The following DMD variants were observed in gnomAD, a reference collection of about 807,000 sequenced individuals.
DMD encodes the protein mutant dystrophin.
A neutral mutation model predicts 330.1 loss-of-function variants in DMD; 63 were observed. The ratio of observed to expected loss-of-function variants is 0.19; its 90% CI spans 0.16 to 0.24. DMD has a LOEUF of 0.24. Among genes scored for constraint, DMD ranks in the 10% least tolerant of loss-of-function variants. The pLI, the probability that DMD is intolerant of heterozygous loss-of-function variation, is 1.00. For missense variants in DMD, 3,344 were observed against 2,684.1 expected (o/e 1.25, Z -5.43); for synonymous variants, 1,223 against 959.8 (o/e 1.27, Z -5.07).
chrX:32,436,531 T>A (rs2098262014), intron 29 of DMD, among the ~76,000 whole-genome samples: 1 of 111,960 alleles, frequency 8.9e-6, no homozygotes, highest in South Asian at 3.7e-4. Context: ...CAAAAACCTT[T>A]AAAATAGAAG....
intron 44 of DMD, among the ~76,000 whole-genome samples, chrX:32,007,744 T>C (rs771963791): frequency 9.0e-6 from 1 of 110,959 alleles, no homozygotes; most frequent in Admixed American, 9.6e-5. Context: ...ATTTTCTAGT[T>C]ACTGTCTAGT....
intron 60 of DMD, among the ~76,000 whole-genome samples, chrX:31,413,016 A>C (rs187504898): frequency 8.9e-6 from 1 of 111,847 alleles, no homozygotes; most frequent in East Asian, 2.8e-4. Flanking sequence ...AGATTCTTTC[A>C]AATATTTGTC....
At chrX:31,436,951 T>C (rs1954805286) in intron 60 of DMD, among the ~76,000 whole-genome samples, 1 of 111,852 alleles carries the variant, frequency 8.9e-6, no homozygotes, top group African/African-American at 3.2e-5. Context: ...ACTTTTAGCT[T>C]TTACAAAACT....
intron 1 of DMD, among the ~76,000 whole-genome samples, chrX:33,319,721 G>C (rs2053987299): frequency 8.9e-6 from 1 of 111,951 alleles, no homozygotes; most frequent in Non-Finnish European, 1.9e-5. Context: ...ACTCACGTAA[G>C]AAGACTTTGA....
At chrX:32,296,184 G>A (rs943452625) in intron 42 of DMD, among the ~76,000 whole-genome samples, 17 of 110,932 alleles carry the variant, frequency 1.5e-4, no homozygotes, top group Admixed American at 9.6e-5. Context: ...TTTAGGACAG[G>A]AGTTCGAGAC....
rs760923591 is a variant in DMD, at chrX:32,386,420, C to A, written c.4564G>T (p.Val1522Leu). 1 of 1,208,071 alleles carries A rather than the reference C, an allele frequency of 8.3e-7. No individual in the cohort carries two copies. The highest frequency in any genetic ancestry group is 1.1e-6 in the Non-Finnish European group (1 of 892,795). ...LSEVKSEVEMVIKTGRQIVQK... is the reference protein window; with the variant it reads ...LSEVKSEVEMLIKTGRQIVQK... ...ACAATCTGACGTCCAGTCTTTATCA[C>A]CATTTCCACTTCAGACTTCACTTCA... Residue 1522 changes from valine to leucine, a missense_variant, in exon 33 of 79, where the codon GTG becomes TTG. Coordinates refer to ENST00000357033, the MANE Select transcript of DMD (RefSeq NM_004006.3).
At chrX:31,311,974 T>G (rs2055556823) in intron 62 of DMD, among the ~76,000 whole-genome samples, 1 of 111,741 alleles carries the variant, frequency 8.9e-6, no homozygotes, top group African/African-American at 3.3e-5. Flanking sequence ...ATTAAAGACT[T>G]AAATGTAAAA....
chrX:31,486,560 G>T (rs762249714), intron 57 of DMD, among the ~76,000 whole-genome samples: 1 of 111,744 alleles, frequency 8.9e-6, no homozygotes, highest in Non-Finnish European at 1.9e-5. Context: ...ACACTCAGAA[G>T]TTCCATGGTT....
intron 7 of DMD, among the ~76,000 whole-genome samples, chrX:32,801,862 G>A (rs961814682): frequency 7.2e-5 from 8 of 111,254 alleles, no homozygotes; most frequent in South Asian, 3.8e-4. Flanking sequence ...TGTTCCATTC[G>A]TCTATGTATC....
chrX:31,394,938 T>TGAGAGAGAGAGAGAGAGAGAGA (rs757803694), intron 60 of DMD, among the ~76,000 whole-genome samples: 1,669 of 86,817 alleles, frequency 0.019, 81 homozygotes, highest in African/African-American at 0.036. Flanking sequence ...GAGAGAAGGG[T>TGAGAGAGAGAGAGAGAGAGAGA]GAGAGAGAGA....
At chrX:32,103,438 C>T (rs773727904) in intron 44 of DMD, among the ~76,000 whole-genome samples, 68 of 111,216 alleles carry the variant, frequency 6.1e-4, no homozygotes, top group Non-Finnish European at 7.7e-4. Context: ...AAAACAAAAG[C>T]GCATAAATGG....
intron 7 of DMD, among the ~76,000 whole-genome samples, chrX:32,808,626 C>G (rs1312750258): frequency 9.0e-6 from 1 of 111,351 alleles, no homozygotes; most frequent in Non-Finnish European, 1.9e-5. Flanking sequence ...TGAAAGATCT[C>G]CTGTTTTGGA....
intron 1 of DMD, among the ~76,000 whole-genome samples, chrX:33,076,432 A>G (rs751243017): frequency 9.0e-6 from 1 of 111,693 alleles, no homozygotes; most frequent in Non-Finnish European, 1.9e-5. Flanking sequence ...ATGTATACCC[A>G]ACATCTTGTA....
At chrX:32,037,995 C>T (rs2095963768) in intron 44 of DMD, among the ~76,000 whole-genome samples, 1 of 111,744 alleles carries the variant, frequency 8.9e-6, no homozygotes, top group Admixed American at 9.5e-5. Flanking sequence ...CAAAGTAGAA[C>T]TGACCGGACT....
At chrX:33,314,587 T>TTTA (rs2053905241) in intron 1 of DMD, among the ~76,000 whole-genome samples, 1 of 99,213 alleles carries the variant, frequency 1.0e-5, no homozygotes, top group Admixed American at 1.1e-4. Flanking sequence ...TTTTTTTTTT[T>TTTA]ATCTTTCTTA....
chrX:33,001,379 A>G (rs1327330297), intron 2 of DMD, among the ~76,000 whole-genome samples: 1 of 111,987 alleles, frequency 8.9e-6, no homozygotes, highest in Non-Finnish European at 1.9e-5. Flanking sequence ...TGATAGTTCT[A>G]AAACAGGGAC....
chrX:31,516,297 A>C (rs5971575), intron 55 of DMD, among the ~76,000 whole-genome samples: 9,691 of 105,687 alleles, frequency 0.092, 478 homozygotes, highest in Admixed American at 0.17. Flanking sequence ...AAAAAAAAAA[A>C]CCCGAAGTGG....
At chrX:31,808,780 C>A (rs993896222) in intron 50 of DMD, among the ~76,000 whole-genome samples, 1 of 110,736 alleles carries the variant, frequency 9.0e-6, no homozygotes, top group South Asian at 3.9e-4. Context: ...AGGAAAAGGG[C>A]ATATTTTACC....
intron 7 of DMD, among the ~76,000 whole-genome samples, chrX:32,770,238 C>G (rs2073460693): frequency 9.0e-6 from 1 of 111,385 alleles, no homozygotes; most frequent in Admixed American, 9.6e-5. Context: ...GGCATGTGAA[C>G]AATGATTTAA....
Sources: gnomAD v4.1 joint callset for allele counts (sites outside exome capture counted in the v4.1 genomes callset) on GRCh38, gnomAD v4.1.1 for gene constraint, MANE v1.5 for transcripts, NCBI Gene and HGNC (gene_info 2026-07-23, HGNC 2026-07-21) for gene names.